CCNT1: variants seen among roughly 807,000 people sequenced by gnomAD.
CCNT1 encodes cyclin-T1.
In CCNT1, 18 loss-of-function variants were observed where a neutral mutation model predicts 67.3. The ratio of observed to expected loss-of-function variants is 0.27; its 90% CI spans 0.18 to 0.40. CCNT1 has a LOEUF of 0.40. Ranked by LOEUF, CCNT1 falls within the 10% of genes least tolerant of loss-of-function variation. The probability of loss-of-function intolerance (pLI) is 1.00; values close to 1 mark genes in which losing one functional copy is unlikely to be tolerated. For missense variants in CCNT1, 744 were observed against 884.9 expected, an observed-to-expected ratio of 0.84 and a Z score of 2.02; for synonymous variants, 333 against 310.3, an observed-to-expected ratio of 1.07 and a Z score of -0.77.
At chr12:48,705,976 T>C in intron 2 of CCNT1, 80 bp from the exon 3 acceptor site, 1 of 1,367,932 alleles carries the variant, frequency 7.3e-7, no homozygotes, top group Non-Finnish European at 9.8e-7. Flanking sequence ...AGGAGCTAAG[T>C]CTCAAATCAA....
At chr12:48,713,940 G>A (rs1173272347) in intron 2 of CCNT1, among the ~76,000 whole-genome samples, 3 of 152,084 alleles carry the variant, frequency 2.0e-5, no homozygotes, top group East Asian at 3.8e-4. Context: ...TGATGCCCAG[G>A]CTGGAGTGAA....
intron 2 of CCNT1, among the ~76,000 whole-genome samples, chr12:48,709,297 T>C (rs544265528): frequency 2.0e-5 from 3 of 152,200 alleles, no homozygotes; most frequent in Non-Finnish European, 4.4e-5. Flanking sequence ...TAATTAATAT[T>C]TGTTGTTTGT....
rs201044557 is a variant in CCNT1 at position 48,693,962 on chromosome 12, A to G, written c.1252T>C (p.Tyr418His). 25 of 1,614,154 alleles carry G rather than the reference A, an allele frequency of 1.5e-5. No homozygotes were observed. Among genetic ancestry groups the G allele is most frequent in the Non-Finnish European group, 2.1e-5 (25 of 1,180,032 alleles). The change falls in exon 9 of 9, where the codon TAT (tyrosine) becomes CAT (histidine). Residue 418 changes from tyrosine to histidine, a missense_variant. This residue lies in a region of CCNT1 where 564 missense variants were observed against 574.2 expected (regional missense o/e 0.98). Transcript: ENST00000261900. ...AGGAGATTCTGGGCAGCATATGCAT[A>G]TTGTGACTTCACATTGGCTTCCATG... The part of the protein sequence containing the change: ...ENMEANVKSQ[Y>H]AYAAQNLLSH...
At chr12:48,708,941 G>GA (rs1944938986) in intron 2 of CCNT1, among the ~76,000 whole-genome samples, 1 of 152,024 alleles carries the variant, frequency 6.6e-6, no homozygotes, top group African/African-American at 2.4e-5. Flanking sequence ...AAATCAAAAG[G>GA]AAAATTCACT....
intron 3 of CCNT1, among the ~76,000 whole-genome samples, chr12:48,702,687 T>G (rs1039346190): frequency 6.6e-6 from 1 of 152,106 alleles, no homozygotes; most frequent in African/African-American, 2.4e-5. Context: ...ATAGAGTGAA[T>G]GCAGGTAGTA....
At chr12:48,711,985 G>A (rs1489183071) in intron 2 of CCNT1, among the ~76,000 whole-genome samples, 2 of 151,898 alleles carry the variant, frequency 1.3e-5, no homozygotes, top group Non-Finnish European at 2.9e-5. Flanking sequence ...TAGTAGAGAC[G>A]GGGTTTCACC....
rs139869746 is a variant in CCNT1 at position 48,712,362 on chromosome 12, C to G, written c.243+2081G>C. ...CAATAGCGATCTCGGCTCACCACAACCTCGGCCTCCCCAGTTCAAGTGATT... is the reference window on the plus strand; with the variant it reads ...CAATAGCGATCTCGGCTCACCACAAGCTCGGCCTCCCCAGTTCAAGTGATT... On this transcript the variant is annotated intron_variant, in intron 2 of 8. Transcript: ENST00000261900. Among the ~76,000 whole-genome samples, 635 of 151,448 alleles carry G rather than the reference C, an allele frequency of 4.2e-3. 5 individuals carry two copies. Among genetic ancestry groups the G allele is most frequent in the African/African-American group, 0.014 (594 of 41,286 alleles).
intron 8 of CCNT1, 113 bp from the exon 9 acceptor site, chr12:48,694,549 C>A (rs144308598): frequency 1.2e-5 from 10 of 857,164 alleles, no homozygotes; most frequent in Non-Finnish European, 1.6e-5. Context: ...AGGCCACAGG[C>A]AGGAGGCTAT....
rs374215379 is a variant in CCNT1, at chr12:48,716,595, A to G, written c.81T>C (p.Phe27=). ...AAAGTTCTTTATCTGGGTCCACGCC[A>G]AAACGACGGGATGGGCTATTTTCCA... ...EQLENSPSRR[F]GVDPDKELSY... is the part of the protein sequence containing the mutation. The change falls in exon 1 of 9, where the codon TTT becomes TTC. Residue 27 remains phenylalanine (F), a synonymous_variant. Transcript: ENST00000261900. 1.4e-5 allele frequency: 23 copies of G among 1,614,136 alleles called. No homozygotes were observed. Among genetic ancestry groups the G allele is most frequent in the Non-Finnish European group, 1.9e-5 (23 of 1,180,046 alleles).
rs1360095517 is a variant in CCNT1 at position 48,691,927 on chromosome 12, G to GT, written c.*1105dup. The GT allele has an allele frequency of 8.6e-5, 13 of 152,034 alleles. No individual in the cohort carries two copies. The highest frequency in any genetic ancestry group is 3.1e-4 in the African/African-American group (13 of 41,446). The allele number at this position is 152,034 out of a possible 1,614,324, so 9.4% of individuals were successfully genotyped here. On this transcript the variant is annotated 3_prime_UTR_variant, in exon 9 of 9. Transcript: ENST00000261900. ...AGTATCCTCTAGCTTCTCCCATATG[G>GT]TTTGGGCTTTCACAGGCAGGATATA...
intron 4 of CCNT1, among the ~76,000 whole-genome samples, chr12:48,700,390 C>CAT (rs555107725): frequency 0.017 from 2,622 of 149,940 alleles, 82 homozygotes; most frequent in African/African-American, 0.06. Flanking sequence ...AAGAACTCAT[C>CAT]ATATATATAT....
Position 48,693,565 on chromosome 12 carries a change from T to C in CCNT1, c.1649A>G (p.Gln550Arg), listed in dbSNP as rs756010216. ...GGTTTTATGTGCTAAGTTGCTTGTCTGGCTACTATGTTTTGGATCACCAGG... is the reference window on the plus strand; with the variant it reads ...GGTTTTATGTGCTAAGTTGCTTGTCCGGCTACTATGTTTTGGATCACCAGG... ...KRPGDPKHSS[Q>R]TSNLAHKTYS... Residue 550 changes from glutamine to arginine, a missense_variant, in exon 9 of 9, where the codon CAG becomes CGG. Physicochemically the swap from Gln to Arg is conservative, Grantham distance 43 (BLOSUM62 1). Coordinates refer to ENST00000261900, the MANE Select transcript of CCNT1 (RefSeq NM_001240.4). The C allele has an allele frequency of 8.7e-6, 14 of 1,614,130 alleles. No homozygotes were observed. Among genetic ancestry groups the C allele is most frequent in the Admixed American group, 1.7e-5 (1 of 60,026 alleles).
chr12:48,705,819 T>C lies in CCNT1; in HGVS notation c.321A>G (p.Val107=), dbSNP rs1940347800. The part of the protein sequence containing the change: ...QPKKLEHVIK[V]AHTCLHPQES... ...CCTGAGGATGGAGACAAGTATGTGC[T>C]ACCTTGATGACATGTTCCAATTTTT... is the stretch of plus-strand genomic sequence containing the variant. Residue 107 remains valine, a synonymous_variant, in exon 3 of 9, where the codon GTA becomes GTG. Coordinates refer to ENST00000261900, the MANE Select transcript of CCNT1 (RefSeq NM_001240.4). The C allele has an allele frequency of 6.2e-7, 1 of 1,613,588 alleles. No individual in the cohort carries two copies. Among genetic ancestry groups the C allele is most frequent in the African/African-American group, 1.3e-5 (1 of 75,042 alleles).
intron 4 of CCNT1, 56 bp downstream of exon 4, chr12:48,700,957 A>ATGATTTGAT (rs1217503424): frequency 1.9e-6 from 2 of 1,080,588 alleles, no homozygotes; most frequent in Admixed American, 2.2e-5. Flanking sequence ...AATTTTTAGA[A>ATGATTTGAT]TCAAATCATT....
Position 48,698,161 on chromosome 12 carries a change from A to C in CCNT1, c.519T>G (p.Thr173=), listed in dbSNP as rs770171987. ...ACCTGTTGGTTGCCATGAAGTAAGA[A>C]GTCTGTGCTAAGTCCTTGCTTGCTA... ...LVRASKDLAQ[T]SYFMATNSLH... is the part of the protein sequence containing the mutation. The change falls in exon 6 of 9, where the codon ACT becomes ACG. Residue 173 remains threonine, a synonymous_variant. Coordinates refer to ENST00000261900, the MANE Select transcript of CCNT1 (RefSeq NM_001240.4). 3 of 1,457,168 alleles carry C rather than the reference A, an allele frequency of 2.1e-6. No individual in the cohort carries two copies. The highest frequency in any genetic ancestry group is 2.8e-6 in the Non-Finnish European group (3 of 1,067,096). 90.3% of individuals were successfully genotyped at this position (1,457,168 alleles called of 1,614,324 possible).
In CCNT1 at chr12:48,699,788, T is replaced by C. The variant is rs1406697088; in HGVS notation, c.486A>G (p.Gln162=). ...HPHTHVVKCT[Q]LVRASKDLAQ... The stretch of plus-strand genomic sequence containing the variant: ...GCTGGGATTCCTTACCTCGAACAAG[T>C]TGAGTGCACTTTACTACATGAGTAT... The change falls in exon 5 of 9, where the codon CAA becomes CAG. Residue 162 remains glutamine (Q), a synonymous_variant. Coordinates refer to ENST00000261900, the MANE Select transcript of CCNT1 (RefSeq NM_001240.4). 2 of 1,608,134 alleles carry C rather than the reference T, an allele frequency of 1.2e-6. No individual in the cohort carries two copies. The highest frequency in any genetic ancestry group is 1.3e-5 in the African/African-American group (1 of 74,766).
rs930628379 is a variant in CCNT1, at chr12:48,691,887, A to G, written c.*1146T>C. The G allele has an allele frequency of 1.3e-5, 2 of 152,170 alleles. No individual in the cohort carries two copies. Among genetic ancestry groups the G allele is most frequent in the Admixed American group, 6.6e-5 (1 of 15,266 alleles). The allele number at this position is 152,170 out of a possible 1,614,324, so 9.4% of individuals were successfully genotyped here. On this transcript the variant is annotated 3_prime_UTR_variant, in exon 9 of 9. Transcript: ENST00000261900. ...ACAATGTTCTAAACTTCCAAATCAC[A>G]ATTTCATTGTTTTTAGTATCCTCTA...
chr12:48,691,663 C>G lies in CCNT1; in HGVS notation c.*1370G>C, dbSNP rs1479692612. 1 of 152,130 alleles carries G rather than the reference C, an allele frequency of 6.6e-6. No homozygotes were observed. The highest frequency in any genetic ancestry group is 2.4e-5 in the African/African-American group (1 of 41,404). 9.4% of individuals were successfully genotyped at this position (152,130 alleles called of 1,614,324 possible). On this transcript the variant is annotated 3_prime_UTR_variant, in exon 9 of 9. Transcript: ENST00000261900. The stretch of plus-strand genomic sequence containing the variant: ...AATCTTAAGAACCTCGATCAAGAAC[C>G]TAAAGCTACCAAAGATGAACAATCT...
At chr12:48,704,724 G>A (rs563572481) in intron 3 of CCNT1, among the ~76,000 whole-genome samples, 2 of 152,230 alleles carry the variant, frequency 1.3e-5, no homozygotes, top group African/African-American at 2.4e-5. Flanking sequence ...CAGGAGAATC[G>A]CTTGAAACCG....
Sources: allele counts gnomAD v4.1 joint callset (sites outside exome capture counted in the v4.1 genomes callset), GRCh38; gene constraint gnomAD v4.1.1; regional missense constraint gnomAD v4.1.1; transcripts MANE v1.5; gene names NCBI Gene and HGNC (gene_info 2026-07-23, HGNC 2026-07-21).